The following CCZ1 variants were observed in gnomAD, a reference collection of about 807,000 sequenced individuals.
CCZ1 encodes the protein CCZ1 vacuolar protein trafficking and biogenesis associated, also known as vacuolar fusion protein CCZ1 homolog.
A neutral mutation model predicts 57.8 loss-of-function variants in CCZ1; 19 were observed. That is an observed-to-expected ratio of 0.33 (90% CI 0.23 to 0.48). The LOEUF (loss-of-function observed/expected upper bound fraction) is 0.48. Among genes scored for constraint, CCZ1 ranks in the 20% least tolerant of loss-of-function variants. The probability of loss-of-function intolerance (pLI) is 0.99; values close to 1 mark genes in which losing one functional copy is unlikely to be tolerated. For synonymous variants in CCZ1, 81 were observed against 167.0 expected (o/e 0.49, Z 3.97); for missense variants, 200 against 492.0 (o/e 0.41, Z 5.61).
chr7:5,912,524 T>C (rs1282068762), intron 9 of CCZ1, among the ~76,000 whole-genome samples: 2 of 145,464 alleles, frequency 1.4e-5, no homozygotes, highest in East Asian at 2.4e-4. Context: ...CTCAGCCTCT[T>C]GAGTAGCTGG....
chr7:5,911,903 A>C lies in CCZ1; in HGVS notation c.823A>C (p.Asn275His). 1 of 1,586,800 alleles carries C rather than the reference A, an allele frequency of 6.3e-7. No homozygotes were observed. The highest frequency in any genetic ancestry group is 8.6e-7 in the Non-Finnish European group (1 of 1,166,850). ...DSPIRAEMPG[N>H]LQHYGRFLTG... ...TCCAATAAGAGCAGAAATGCCAGGA[A>C]ATCTTCAACACTATGGAAGGTAGGA... Residue 275 changes from asparagine (N) to histidine (H), a missense_variant, in exon 9 of 15, where the codon AAT becomes CAT. Transcript: ENST00000325974.
At chr7:5,904,640 G>C (rs1781761820) in intron 6 of CCZ1, among the ~76,000 whole-genome samples, 1 of 146,968 alleles carries the variant, frequency 6.8e-6, no homozygotes, top group African/African-American at 2.6e-5. Flanking sequence ...GACCATCCTG[G>C]CTAACATGGT....
At chr7:5,910,956 G>A (rs1445725221) in intron 8 of CCZ1, among the ~76,000 whole-genome samples, 3 of 147,214 alleles carry the variant, frequency 2.0e-5, no homozygotes, top group South Asian at 4.5e-4. Context: ...GGCTGGTCTC[G>A]AACTCCTGAC....
intron 10 of CCZ1, among the ~76,000 whole-genome samples, chr7:5,914,104 G>T (rs190474646): frequency 7.2e-4 from 106 of 147,404 alleles, no homozygotes; most frequent in African/African-American, 2.6e-3. Context: ...GGACAGACAA[G>T]AACTTTAAAA....
intron 5 of CCZ1, chr7:5,902,122 C>T (rs118006357): frequency 0.02 from 3,598 of 177,572 alleles, 100 homozygotes; most frequent in Middle Eastern, 0.06. Context: ...AGCAAGAACC[C>T]ATCTCTACAA....
chr7:5,912,020 C>A, intron 9 of CCZ1, 98 bp downstream of exon 9: 3 of 1,576,992 alleles, frequency 1.9e-6, no homozygotes, highest in Non-Finnish European at 2.6e-6. Context: ...GTGGCAAGAT[C>A]TCCGCTCACT....
At chr7:5,924,423 T>TG (rs1779316055) in intron 14 of CCZ1, among the ~76,000 whole-genome samples, 1 of 96,616 alleles carries the variant, frequency 1.0e-5, no homozygotes, top group African/African-American at 4.0e-5. Context: ...TTTTTTTTTT[T>TG]GAAACAGAGT....
chr7:5,920,501 A>C (rs868711092), intron 12 of CCZ1, among the ~76,000 whole-genome samples: 8 of 71,102 alleles, frequency 1.1e-4, no homozygotes, highest in East Asian at 8.7e-4. Context: ...ACAAATTCCC[A>C]CTCTGTCGCC....
intron 10 of CCZ1, among the ~76,000 whole-genome samples, chr7:5,914,429 C>G: frequency 6.7e-6 from 1 of 148,816 alleles, no homozygotes; most frequent in Non-Finnish European, 1.5e-5. Flanking sequence ...GAGTGAAACC[C>G]TCTCAAAAAT....
intron 10 of CCZ1, 28 bp downstream of exon 10, chr7:5,912,982 A>G: frequency 6.2e-7 from 1 of 1,608,470 alleles, no homozygotes; most frequent in Admixed American, 1.7e-5. Flanking sequence ...TCCAGCGTTA[A>G]TGATTGTGCT....
chr7:5,915,255 G>T (rs1779126302), intron 10 of CCZ1, among the ~76,000 whole-genome samples: 1 of 149,820 alleles, frequency 6.7e-6, no homozygotes, highest in Admixed American at 6.7e-5. Context: ...CATACAGAAA[G>T]ATGTGGTCTG....
At position 5,905,731 on chromosome 7, in the gene CCZ1, G is replaced by A. The variant is rs1456401607; in HGVS notation, c.698+462G>A. On this transcript the variant is annotated intron_variant, in intron 7 of 14. Transcript: ENST00000325974. ...CGGGAGGCGGAGGTTGCAGTGAGCC[G>A]AGATGGCACCACTGTACCCCAGCCT... is the stretch of plus-strand genomic sequence containing the variant. 5.0e-4 allele frequency among the ~76,000 whole-genome samples: 55 copies of A among 109,398 alleles called. 2 individuals are homozygous for A. The East Asian group carries it at 0.017, about 34-fold the overall frequency. 71.8% of individuals were successfully genotyped at this position (109,398 alleles called of 152,430 possible).
chr7:5,920,714 C>A (rs2128614983), intron 12 of CCZ1, among the ~76,000 whole-genome samples: 1 of 137,112 alleles, frequency 7.3e-6, no homozygotes, highest in East Asian at 2.0e-4. Context: ...TCAAGTGATC[C>A]ACCTGCCTCA....
intron 8 of CCZ1, among the ~76,000 whole-genome samples, chr7:5,910,706 TTTTATTTATTTATTTATTTA>T (rs1554282244): frequency 1.6e-5 from 2 of 123,670 alleles, no homozygotes; most frequent in Non-Finnish European, 3.5e-5. Flanking sequence ...ATGTATTTTA[TTTTATTTATTTATTTATTTA>T]TTTATTTATT....
intron 8 of CCZ1, among the ~76,000 whole-genome samples, chr7:5,910,862 A>G (rs1351218651): frequency 1.4e-5 from 2 of 147,170 alleles, no homozygotes; most frequent in Non-Finnish European, 3.0e-5. Context: ...CAGGCTCCCG[A>G]GTAGCTGAGA....
At chr7:5,899,875 A>G (rs1290410545) in intron 1 of CCZ1, among the ~76,000 whole-genome samples, 1 of 149,852 alleles carries the variant, frequency 6.7e-6, no homozygotes, top group African/African-American at 2.5e-5. Context: ...TCTTACAAGC[A>G]TTGGTGTATT....
At chr7:5,920,951 GTT>G (rs201738735) in intron 12 of CCZ1, among the ~76,000 whole-genome samples, 88 of 83,828 alleles carry the variant, frequency 1.0e-3, no homozygotes, top group Middle Eastern at 8.5e-3. Context: ...TGTTTTTTGG[GTT>G]TTTTTTTTTT....
In CCZ1 at chr7:5,902,665, T is replaced by C. The variant is rs1477820347; in HGVS notation, c.443T>C (p.Phe148Ser). 1.9e-6 allele frequency: 3 copies of C among 1,586,676 alleles called. No individual in the cohort carries two copies. Among genetic ancestry groups the C allele is most frequent in the East Asian group, 5.1e-5 (2 of 39,194 alleles). Reference sequence around the variant, plus strand: ...TGCAATCTTTTACCTCACTAGCTTTTTAATGGTACATTTCTGAAAGCCATG... The same window carrying C: ...TGCAATCTTTTACCTCACTAGCTTTCTAATGGTACATTTCTGAAAGCCATG... Reference protein sequence around the residue: ...LRQCYSMYKLFNGTFLKAMED... With the variant: ...LRQCYSMYKLSNGTFLKAMED... The change falls in exon 6 of 15, where the codon TTT becomes TCT. Residue 148 changes from phenylalanine (F) to serine (S), a missense_variant. Around this residue, in one of 5 missense-constraint regions of CCZ1, gnomAD observed 128 missense variants for 178.4 expected, o/e 0.72. Transcript: ENST00000325974.
intron 7 of CCZ1, 87 bp from the exon 8 acceptor site, chr7:5,909,948 A>T (rs1583186272): frequency 8.4e-7 from 1 of 1,191,828 alleles, no homozygotes; most frequent in South Asian, 1.5e-5. Context: ...TTGAAAAAAA[A>T]ATTTTTGTTT....
Sources: gnomAD v4.1 joint callset for allele counts (sites outside exome capture counted in the v4.1 genomes callset) on GRCh38, gnomAD v4.1.1 for gene constraint, gnomAD v4.1.1 regional missense constraint, MANE v1.5 for transcripts, NCBI Gene and HGNC (gene_info 2026-07-23, HGNC 2026-07-21) for gene names.